Variants in ZFHX3 observed in about 807,000 individuals in gnomAD.
ZFHX3 encodes zinc finger homeobox 3.
A neutral mutation model predicts 279.1 loss-of-function variants in ZFHX3; 42 were observed. That is an observed-to-expected ratio of 0.15 (90% CI 0.12 to 0.19). The LOEUF (loss-of-function observed/expected upper bound fraction) is 0.19, where lower values mean the gene tolerates loss of function less well. Among genes scored for constraint, ZFHX3 ranks in the 10% least tolerant of loss-of-function variants. ZFHX3 has a pLI of 1.00. For synonymous variants in ZFHX3, 2,293 were observed against 1,957.8 expected, an observed-to-expected ratio of 1.17 and a Z score of -4.52; for missense variants, 4,981 against 4,754.0, an observed-to-expected ratio of 1.05 and a Z score of -1.40.
Position 72,788,568 on chromosome 16 carries a change from G to T in ZFHX3, c.9708C>A (p.Asp3236Glu), listed in dbSNP as rs1380985162. The T allele has an allele frequency of 6.2e-7, 1 of 1,613,908 alleles. No individual in the cohort carries two copies. The highest frequency in any genetic ancestry group is 8.5e-7 in the Non-Finnish European group (1 of 1,179,988). ...TTTCCTTCTCCTTTACTTTCTCACT[G>T]TCTTTGTCCTTGCGTTGCTGCTGCT... ...LQQQQQRKDK[D>E]SEKVKEKEKA... The change falls in exon 10 of 10, where the codon GAC becomes GAA. Residue 3236 changes from aspartate (D) to glutamate (E), a missense_variant. Physicochemically the swap from Asp to Glu is conservative, Grantham distance 45. Coordinates refer to ENST00000268489, the MANE Select transcript of ZFHX3 (RefSeq NM_006885.4).
intron 8 of ZFHX3, among the ~76,000 whole-genome samples, chr16:73,082,317 G>C (rs13331871): frequency 0.054 from 8,148 of 151,958 alleles, 721 homozygotes; most frequent in African/African-American, 0.18. Flanking sequence ...GCCCAGCCTG[G>C]AGTGCAGTGG....
intron 1 of ZFHX3, among the ~76,000 whole-genome samples, chr16:73,774,079 A>G (rs1460447372): frequency 9.2e-5 from 14 of 152,046 alleles, no homozygotes; most frequent in Non-Finnish European, 1.9e-4. Context: ...GCAGTAAACT[A>G]TGATTGTGCC....
intron 1 of ZFHX3, among the ~76,000 whole-genome samples, chr16:73,867,480 G>A (rs1054697181): frequency 2.0e-5 from 3 of 152,118 alleles, no homozygotes; most frequent in Non-Finnish European, 4.4e-5. Context: ...ACCTTCACTT[G>A]GAGTCAATCA....
intron 5 of ZFHX3, among the ~76,000 whole-genome samples, chr16:73,176,006 A>G (rs1326353076): frequency 6.6e-6 from 1 of 152,190 alleles, no homozygotes; most frequent in East Asian, 1.9e-4. Flanking sequence ...TGCTAATACC[A>G]GAGCCATCCC....
At position 72,846,006 on chromosome 16, in the gene ZFHX3, C is replaced by T. The variant is rs558989358; in HGVS notation, c.3449-16147G>A. Among the ~76,000 whole-genome samples, 15 of 152,290 alleles carry T rather than the reference C, an allele frequency of 9.8e-5. No homozygotes were observed. The South Asian group carries it at 3.1e-3, about 32-fold the overall frequency. The stretch of plus-strand genomic sequence containing the variant: ...AGGAGAACACACACTTGTGCTTGTG[C>T]TGTCTGTCCATCCATCCGCCCACCC... On this transcript the variant is annotated intron_variant, in intron 4 of 9. Transcript: ENST00000268489.
At chr16:73,104,951 T>C (rs1182557150) in intron 7 of ZFHX3, among the ~76,000 whole-genome samples, 2 of 152,124 alleles carry the variant, frequency 1.3e-5, no homozygotes, top group African/African-American at 4.8e-5. Flanking sequence ...CTGTCAAGTA[T>C]GTTTGTCACT....
chr16:72,989,185 A>T (rs1369678939), intron 1 of ZFHX3, among the ~76,000 whole-genome samples: 1 of 151,912 alleles, frequency 6.6e-6, no homozygotes, highest in Non-Finnish European at 1.5e-5. Context: ...AATTAAAAAA[A>T]AAAAAAAATT....
At chr16:73,863,440 A>G (rs903116633) in intron 1 of ZFHX3, among the ~76,000 whole-genome samples, 1 of 152,168 alleles carries the variant, frequency 6.6e-6, no homozygotes, top group Non-Finnish European at 1.5e-5. Flanking sequence ...AGACTGTGAG[A>G]TGGCTTATAT....
chr16:73,431,428 C>T (rs939986824), intron 3 of ZFHX3, among the ~76,000 whole-genome samples: 1 of 152,088 alleles, frequency 6.6e-6, no homozygotes, highest in African/African-American at 2.4e-5. Context: ...GTGATCTCAG[C>T]TACTCAGTAG....
intron 5 of ZFHX3, chr16:73,232,517 G>A (rs766426141): frequency 6.6e-6 from 1 of 152,256 alleles, no homozygotes; most frequent in Non-Finnish European, 1.5e-5. Flanking sequence ...AAGAGAAAGA[G>A]GGAGCAATAG....
intron 1 of ZFHX3, among the ~76,000 whole-genome samples, chr16:73,008,821 AAAG>A (rs1217581687): frequency 6.6e-6 from 1 of 152,158 alleles, no homozygotes; most frequent in African/African-American, 2.4e-5. Context: ...ATCTGTGACT[AAAG>A]AAGGCAGGAG....
At chr16:73,122,249 A>T (rs1347300445) in intron 7 of ZFHX3, among the ~76,000 whole-genome samples, 2 of 152,048 alleles carry the variant, frequency 1.3e-5, no homozygotes, top group African/African-American at 4.8e-5. Context: ...TCTGTAGCCC[A>T]GGCTGGAGTG....
chr16:73,860,351 C>T (rs1004535290), intron 1 of ZFHX3, among the ~76,000 whole-genome samples: 1 of 151,828 alleles, frequency 6.6e-6, no homozygotes, highest in Non-Finnish European at 1.5e-5. Flanking sequence ...CAAACTCTTC[C>T]ATTTTGTTTC....
intron 4 of ZFHX3, among the ~76,000 whole-genome samples, chr16:72,845,577 C>T (rs1038407984): frequency 6.6e-6 from 1 of 152,200 alleles, no homozygotes; most frequent in Non-Finnish European, 1.5e-5. Flanking sequence ...ACGGCACCCC[C>T]GTCCTGCCCC....
chr16:72,948,019 T>C (rs146751263), intron 3 of ZFHX3, among the ~76,000 whole-genome samples: 2 of 152,288 alleles, frequency 1.3e-5, no homozygotes, highest in Non-Finnish European at 2.9e-5. Flanking sequence ...GAGCCTTCCT[T>C]AGTGGCAAGA....
At chr16:73,817,527 G>A (rs1481996828) in intron 1 of ZFHX3, among the ~76,000 whole-genome samples, 1 of 152,078 alleles carries the variant, frequency 6.6e-6, no homozygotes, top group Non-Finnish European at 1.5e-5. Flanking sequence ...TTAAAATCGC[G>A]GTTCTGACAG....
chr16:73,521,864 A>C (rs902359291), intron 2 of ZFHX3, among the ~76,000 whole-genome samples: 4 of 152,128 alleles, frequency 2.6e-5, no homozygotes, highest in Non-Finnish European at 5.9e-5. Flanking sequence ...CACCAATGAA[A>C]GTAGCAATTT....
At chr16:73,591,180 G>C (rs1186782496) in intron 2 of ZFHX3, among the ~76,000 whole-genome samples, 1 of 151,384 alleles carries the variant, frequency 6.6e-6, no homozygotes, top group African/African-American at 2.4e-5. Context: ...GTGAAACCCT[G>C]TTTCTACTAA....
intron 1 of ZFHX3, among the ~76,000 whole-genome samples, chr16:73,055,847 T>TACACACACACACACACACACAC (rs10672414): frequency 4.3e-5 from 6 of 138,628 alleles, no homozygotes; most frequent in African/African-American, 1.6e-4. Context: ...CCTACAACTC[T>TACACACACACACACACACACAC]ACACACACAC....
Sources: gnomAD v4.1 joint callset for allele counts (sites outside exome capture counted in the v4.1 genomes callset) on GRCh38, gnomAD v4.1.1 for gene constraint, MANE v1.5 for transcripts, NCBI Gene and HGNC (gene_info 2026-07-23, HGNC 2026-07-21) for gene names.